The following CACNA2D3 variants were observed in gnomAD, a reference collection of about 807,000 sequenced individuals.
CACNA2D3 encodes the protein calcium voltage-gated channel auxiliary subunit alpha2delta 3.
A neutral mutation model predicts 160.6 loss-of-function variants in CACNA2D3; 60 were observed. The observed-to-expected ratio is 0.37, with a 90% confidence interval of 0.30 to 0.46. The LOEUF (loss-of-function observed/expected upper bound fraction) is 0.46. Among genes scored for constraint, CACNA2D3 ranks in the 20% least tolerant of loss-of-function variants. CACNA2D3 has a pLI of 1.00. For missense variants in CACNA2D3, 1,205 were observed against 1,365.0 expected (o/e 0.88, Z 1.85); for synonymous variants, 558 against 492.9 (o/e 1.13, Z -1.75).
chr3:54,266,892 G>A (rs1379851744), intron 2 of CACNA2D3, among the ~76,000 whole-genome samples: 1 of 152,178 alleles, frequency 6.6e-6, no homozygotes, highest in Non-Finnish European at 1.5e-5. Context: ...GGCCCTCTTA[G>A]GGAGAGCATG....
At chr3:54,989,610 G>A (rs1049344185) in intron 31 of CACNA2D3, among the ~76,000 whole-genome samples, 2 of 152,102 alleles carry the variant, frequency 1.3e-5, no homozygotes, top group Non-Finnish European at 2.9e-5. Flanking sequence ...TCCAAACACT[G>A]GTTTCTCTAC....
At chr3:54,893,169 A>T (rs911146318) in intron 25 of CACNA2D3, among the ~76,000 whole-genome samples, 1 of 152,146 alleles carries the variant, frequency 6.6e-6, no homozygotes, top group Non-Finnish European at 1.5e-5. Context: ...CCAGCTACTC[A>T]GGAGGCTGAG....
intron 2 of CACNA2D3, among the ~76,000 whole-genome samples, chr3:54,271,314 C>G (rs1702618272): frequency 6.6e-6 from 1 of 152,148 alleles, no homozygotes; most frequent in African/African-American, 2.4e-5. Context: ...ATCAACCATC[C>G]TCTGTTCCCT....
At chr3:54,610,259 G>T (rs1698724298) in intron 9 of CACNA2D3, among the ~76,000 whole-genome samples, 1 of 152,130 alleles carries the variant, frequency 6.6e-6, no homozygotes. Context: ...ATGTCTTTTT[G>T]CAGGACACAA....
chr3:54,871,356 A>C (rs1459308646), intron 17 of CACNA2D3, among the ~76,000 whole-genome samples, 183 bp from the exon 18 acceptor site: 2 of 152,156 alleles, frequency 1.3e-5, no homozygotes, highest in Non-Finnish European at 2.9e-5. Context: ...GTTTAGAGGC[A>C]TCTGACCTTG....
intron 11 of CACNA2D3, among the ~76,000 whole-genome samples, chr3:54,724,204 G>C (rs1377870983): frequency 6.6e-6 from 1 of 152,152 alleles, no homozygotes; most frequent in East Asian, 1.9e-4. Flanking sequence ...GATCAGTGCA[G>C]CAAGAAGAGC....
intron 5 of CACNA2D3, among the ~76,000 whole-genome samples, chr3:54,521,584 C>A (rs112865952): frequency 2.0e-5 from 3 of 152,248 alleles, no homozygotes; most frequent in Admixed American, 6.5e-5. Flanking sequence ...AATTTTGTTA[C>A]TCATACTATT....
At chr3:54,654,235 G>A (rs1000951797) in intron 11 of CACNA2D3, among the ~76,000 whole-genome samples, 1 of 152,094 alleles carries the variant, frequency 6.6e-6, no homozygotes, top group Non-Finnish European at 1.5e-5. Flanking sequence ...TCTGCAGGCA[G>A]AACCCCAGAA....
At chr3:54,185,568 A>G (rs140442338) in intron 2 of CACNA2D3, among the ~76,000 whole-genome samples, 22 of 152,316 alleles carry the variant, frequency 1.4e-4, no homozygotes, top group Admixed American at 1.0e-3. Flanking sequence ...ATATTATTCT[A>G]TAGATTCAAC....
chr3:55,018,036 T>G (rs1703365412), intron 34 of CACNA2D3, among the ~76,000 whole-genome samples, 170 bp from the exon 35 acceptor site: 1 of 152,206 alleles, frequency 6.6e-6, no homozygotes, highest in Non-Finnish European at 1.5e-5. Flanking sequence ...ATAGAGTTGC[T>G]TGGCAGATGA....
At chr3:54,518,161 G>A (rs1490764306) in intron 5 of CACNA2D3, among the ~76,000 whole-genome samples, 1 of 152,164 alleles carries the variant, frequency 6.6e-6, no homozygotes, top group Non-Finnish European at 1.5e-5. Context: ...GCAGAGCTGA[G>A]ACTAACACTG....
chr3:54,657,424 T>C (rs1030223833), intron 11 of CACNA2D3, among the ~76,000 whole-genome samples: 8 of 152,210 alleles, frequency 5.3e-5, no homozygotes, highest in African/African-American at 1.9e-4. Flanking sequence ...TTTGGGTGCA[T>C]AGTACCATAT....
chr3:54,414,973 T>C (rs1699731298), intron 4 of CACNA2D3, among the ~76,000 whole-genome samples: 1 of 152,144 alleles, frequency 6.6e-6, no homozygotes. Flanking sequence ...AGTTTCGTTT[T>C]ATTGTTTTTA....
intron 2 of CACNA2D3, among the ~76,000 whole-genome samples, chr3:54,260,878 G>A (rs762373079): frequency 1.8e-4 from 27 of 152,088 alleles, no homozygotes; most frequent in Non-Finnish European, 3.8e-4. Flanking sequence ...CCATAACCAG[G>A]CAATCTAAAG....
chr3:54,678,616 G>A (rs987937645), intron 11 of CACNA2D3, among the ~76,000 whole-genome samples: 4 of 150,282 alleles, frequency 2.7e-5, no homozygotes, highest in African/African-American at 9.8e-5. Context: ...AGCCACTTGG[G>A]AGGCTGAGGC....
At chr3:54,566,210 T>A (rs890873692) in intron 6 of CACNA2D3, among the ~76,000 whole-genome samples, 7 of 152,226 alleles carry the variant, frequency 4.6e-5, no homozygotes, top group Admixed American at 1.3e-4. Flanking sequence ...TATGTTCTCA[T>A]TGATCCCTCT....
At chr3:54,714,729 C>T (rs541516013) in intron 11 of CACNA2D3, among the ~76,000 whole-genome samples, 3 of 152,324 alleles carry the variant, frequency 2.0e-5, no homozygotes, top group African/African-American at 7.2e-5. Flanking sequence ...GATGGTAGCA[C>T]TGTGTTGAAG....
chr3:54,924,084 A>G (rs561935010), intron 27 of CACNA2D3, among the ~76,000 whole-genome samples: 19 of 152,312 alleles, frequency 1.2e-4, no homozygotes, highest in Middle Eastern at 3.4e-3. Context: ...TGTTGTCATC[A>G]TGTTAAAGAA....
intron 5 of CACNA2D3, among the ~76,000 whole-genome samples, chr3:54,559,293 ATTTTAT>A (rs1199214928): frequency 6.6e-6 from 1 of 151,358 alleles, no homozygotes; most frequent in South Asian, 2.1e-4. Flanking sequence ...TCCAACTTTT[ATTTTAT>A]TTTTATTTTT....
Sources: gnomAD v4.1 joint callset for allele counts (sites outside exome capture counted in the v4.1 genomes callset) on GRCh38, gnomAD v4.1.1 for gene constraint, MANE v1.5 for transcripts, NCBI Gene and HGNC (gene_info 2026-07-23, HGNC 2026-07-21) for gene names.